BAHD1: variants seen among roughly 807,000 people sequenced by gnomAD.
BAHD1 encodes the protein bromo adjacent homology domain-containing 1 protein.
Under a neutral mutation model 63.1 loss-of-function variants are expected in BAHD1, and 20 were observed. That is an observed-to-expected ratio of 0.32 (90% confidence interval 0.22 to 0.46). The LOEUF (loss-of-function observed/expected upper bound fraction) is 0.46. BAHD1 is among the 20% of genes least tolerant of loss of function. The pLI, the probability that BAHD1 is intolerant of heterozygous loss-of-function variation, is 1.00. For missense variants in BAHD1, 939 were observed against 1,071.8 expected (o/e 0.88, Z 1.73); for synonymous variants, 408 against 426.8 (o/e 0.96, Z 0.54).
Position 40,466,255 on chromosome 15 carries a change from T to TGG in BAHD1, c.*131_*132dup, listed in dbSNP as rs199708769. The TGG allele has an allele frequency of 8.4e-6, 3 of 356,924 alleles. No individual in the cohort carries two copies. The highest frequency in any genetic ancestry group is 6.3e-5 in the South Asian group (2 of 32,000). 22.1% of individuals were successfully genotyped at this position (356,924 alleles called of 1,614,324 possible). A position where few individuals can be genotyped will look rare whatever the true frequency, so the allele number is the denominator to read the frequency against. ...TAAGTTTGCTGGCCTGTGGTTTTCT[T>TGG]GGGGGGGAGGGCAGGGGCCCCTGTG... is the stretch of plus-strand genomic sequence containing the variant. On this transcript the variant is annotated 3_prime_UTR_variant, in exon 7 of 7. Coordinates refer to ENST00000416165, the MANE Select transcript of BAHD1 (RefSeq NM_014952.5).
chr15:40,463,518 A>G (rs1347656597), intron 3 of BAHD1, among the ~76,000 whole-genome samples: 4 of 152,204 alleles, frequency 2.6e-5, no homozygotes, highest in Non-Finnish European at 4.4e-5. Context: ...TGTGCCCCTT[A>G]TAACAGTGGT....
chr15:40,452,427 C>T (rs1458943029), intron 1 of BAHD1, among the ~76,000 whole-genome samples: 1 of 152,244 alleles, frequency 6.6e-6, no homozygotes, highest in Non-Finnish European at 1.5e-5. Context: ...GTGGGTCTAG[C>T]CCTGCCGTTA....
chr15:40,442,298 C>T (rs997629974), intron 1 of BAHD1, among the ~76,000 whole-genome samples: 5 of 151,654 alleles, frequency 3.3e-5, no homozygotes, highest in Non-Finnish European at 7.4e-5. Context: ...GCCCCGGGGA[C>T]TGCGGGGGCC....
chr15:40,441,041 G>A lies in BAHD1; in HGVS notation c.-242G>A, dbSNP rs1893382653. Among the ~76,000 whole-genome samples, 1 of 145,130 alleles carries A rather than the reference G, an allele frequency of 6.9e-6. No individual in the cohort carries two copies. The highest frequency in any genetic ancestry group is 1.5e-5 in the Non-Finnish European group (1 of 65,354). On this transcript the variant is annotated 5_prime_UTR_variant, in exon 1 of 7. Transcript: ENST00000416165. ...GTCCGGCTGCCTGCCCCGCCCGTCC[G>A]GCCCCCGCCGTCCGCCCGCCCCGGC...
intron 1 of BAHD1, among the ~76,000 whole-genome samples, chr15:40,456,473 G>T (rs114429336): frequency 4.6e-5 from 7 of 152,236 alleles, no homozygotes; most frequent in Non-Finnish European, 7.3e-5. Flanking sequence ...GTCCCCGCAC[G>T]TGGCCAGAGC....
chr15:40,464,169 C>T, intron 4 of BAHD1, 149 bp downstream of exon 4: 2 of 979,874 alleles, frequency 2.0e-6, no homozygotes, highest in Non-Finnish European at 3.0e-6. Context: ...TGGGGTCTCT[C>T]TGCTGCCGAG....
At chr15:40,442,024 AGGTGTGGCGG>A (rs1893418616) in intron 1 of BAHD1, among the ~76,000 whole-genome samples, 1 of 150,614 alleles carries the variant, frequency 6.6e-6, no homozygotes, top group African/African-American at 2.5e-5. Context: ...GCCGAGTCCG[AGGTGTGGCGG>A]GGGGAATCGA....
chr15:40,461,186 G>A (rs557122158), intron 2 of BAHD1, among the ~76,000 whole-genome samples: 26 of 152,230 alleles, frequency 1.7e-4, no homozygotes, highest in African/African-American at 6.3e-4. Context: ...TATCTCACAG[G>A]GTTTTTGTAA....
At chr15:40,442,868 C>T (rs1156431887) in intron 1 of BAHD1, among the ~76,000 whole-genome samples, 1 of 152,148 alleles carries the variant, frequency 6.6e-6, no homozygotes, top group Non-Finnish European at 1.5e-5. Context: ...AGAAAAAGGG[C>T]CCAGAGGGAC....
intron 1 of BAHD1, among the ~76,000 whole-genome samples, chr15:40,448,614 A>C (rs919969801): frequency 2.0e-5 from 3 of 152,114 alleles, no homozygotes; most frequent in Non-Finnish European, 4.4e-5. Flanking sequence ...ATGGTTCATT[A>C]CAGCTTCCAC....
rs1894238700 is a variant in BAHD1, at chr15:40,467,238, A to T, written c.*1108A>T. On this transcript the variant is annotated 3_prime_UTR_variant, in exon 7 of 7. Transcript: ENST00000416165. ...TGCCCAGAGGCCCTGTTCTCACCTC[A>T]TGCTGCTCCCCAGAGTAGACTAACA... is the stretch of plus-strand genomic sequence containing the variant. 6.5e-6 allele frequency: 1 copy of T among 152,788 alleles called. No homozygotes were observed. The highest frequency in any genetic ancestry group is 1.5e-5 in the Non-Finnish European group (1 of 68,126). The allele number at this position is 152,788 out of a possible 1,614,324, so 9.5% of individuals were successfully genotyped here. A position where few individuals can be genotyped will look rare whatever the true frequency, so the allele number is the denominator to read the frequency against.
chr15:40,462,395 T>C (rs770518337), intron 3 of BAHD1, 101 bp downstream of exon 3: 1 of 1,459,806 alleles, frequency 6.9e-7, no homozygotes, highest in East Asian at 2.3e-5. Context: ...CTAGCTACTC[T>C]GAGAGCTGAC....
chr15:40,441,001 C>T lies in BAHD1; in HGVS notation c.-282C>T, dbSNP rs1009773879. Reference sequence around the variant, plus strand: ...GGCGTAGCGGATCCCGGAGCCCGGCCCCCGCCGCCCGCCCGTCCGGCTGCC... The same window carrying T: ...GGCGTAGCGGATCCCGGAGCCCGGCTCCCGCCGCCCGCCCGTCCGGCTGCC... On this transcript the variant is annotated 5_prime_UTR_variant, in exon 1 of 7. Coordinates refer to ENST00000416165, the MANE Select transcript of BAHD1 (RefSeq NM_014952.5). 6.7e-6 allele frequency among the ~76,000 whole-genome samples: 1 copy of T among 149,632 alleles called. No individual in the cohort carries two copies. Among genetic ancestry groups the T allele is most frequent in the Non-Finnish European group, 1.5e-5 (1 of 67,040 alleles).
Position 40,462,065 on chromosome 15 carries a change from A to G in BAHD1, c.1586A>G (p.Gln529Arg). ...PHLQTPTSEP[Q>R]TVARACPQSA... ...CTTCAGACACCCACCTCGGAGCCCC[A>G]GACAGTAGCCCGTGCGTGCCCTCAG... The change falls in exon 3 of 7, where the codon CAG becomes CGG. Residue 529 changes from glutamine (Q) to arginine (R), a missense_variant. Physicochemically the swap from Gln to Arg is conservative, Grantham distance 43. This residue lies in a region of BAHD1 where 797 missense variants were observed against 813.3 expected (regional missense o/e 0.98). Transcript: ENST00000416165. 6.2e-7 allele frequency: 1 copy of G among 1,613,604 alleles called. No homozygotes were observed.
At chr15:40,453,564 T>A (rs1432865948) in intron 1 of BAHD1, 1 of 152,140 alleles carries the variant, frequency 6.6e-6, no homozygotes, top group Non-Finnish European at 1.5e-5. Flanking sequence ...TGGAAGGAGG[T>A]GGCTTCTAAT....
At chr15:40,437,980 C>T (rs904247083), upstream of BAHD1, among the ~76,000 whole-genome samples, 2 of 152,188 alleles carry the variant, frequency 1.3e-5, no homozygotes, top group African/African-American at 2.4e-5. Context: ...CTGGAGGTGT[C>T]TGGGGAGAGA....
At position 40,467,620 on chromosome 15, in the gene BAHD1, C is replaced by T. The variant is rs1406850931; in HGVS notation, c.*1490C>T. On this transcript the variant is annotated 3_prime_UTR_variant, in exon 7 of 7. Coordinates refer to ENST00000416165, the MANE Select transcript of BAHD1 (RefSeq NM_014952.5). ...AACCCTGAGGGCTCCCCCAACTTGCCATGCCCTGTCCCTTAGTAGATGAGT... is the reference window on the plus strand; with the variant it reads ...AACCCTGAGGGCTCCCCCAACTTGCTATGCCCTGTCCCTTAGTAGATGAGT... 1 of 152,840 alleles carries T rather than the reference C, an allele frequency of 6.5e-6. No homozygotes were observed. Among genetic ancestry groups the T allele is most frequent in the East Asian group, 1.9e-4 (1 of 5,206 alleles). 9.5% of individuals were successfully genotyped at this position (152,840 alleles called of 1,614,324 possible). A position where few individuals can be genotyped will look rare whatever the true frequency, so the allele number is the denominator to read the frequency against.
intron 5 of BAHD1, chr15:40,465,068 C>T (rs1188262537): frequency 2.5e-5 from 13 of 512,050 alleles, no homozygotes; most frequent in African/African-American, 9.6e-5. Flanking sequence ...CCCTCTCCTA[C>T]GCTAGGCAGG....
At position 40,458,340 on chromosome 15, in the gene BAHD1, G is replaced by A; in HGVS notation, c.-14-111G>A. 1.4e-6 allele frequency: 2 copies of A among 1,409,966 alleles called. No individual in the cohort carries two copies. The highest frequency in any genetic ancestry group is 2.4e-5 in the Admixed American group (1 of 41,162). The allele number at this position is 1,409,966 out of a possible 1,614,324, so 87.3% of individuals were successfully genotyped here. A position where few individuals can be genotyped will look rare whatever the true frequency, so the allele number is the denominator to read the frequency against. On this transcript the variant is annotated intron_variant, in intron 1 of 6. Transcript: ENST00000416165. This position sits in a 1 kb window ranked among gnomAD's most constrained non-coding sequence, Gnocchi z 4.7. ...GAAAATCCATACTGGAGACAGGGTA[G>A]TTGTAGGCCAGGATCACTGCACCTG...
Sources: gnomAD v4.1 joint callset for allele counts (sites outside exome capture counted in the v4.1 genomes callset) on GRCh38, gnomAD v4.1.1 for gene constraint, gnomAD v4.1.1 regional missense constraint, Gnocchi (gnomAD v3.1) non-coding constraint, MANE v1.5 for transcripts, NCBI Gene and HGNC (gene_info 2026-07-23, HGNC 2026-07-21) for gene names.